Variants in PSG5 observed in about 807,000 individuals in gnomAD.
The protein encoded by PSG5 is pregnancy specific beta-1-glycoprotein 5.
Under a neutral mutation model 37.7 loss-of-function variants are expected in PSG5, and 53 were observed. The observed-to-expected ratio is 1.41, with a 90% CI of 1.13 to 1.77. The LOEUF is 1.77. Ranked by LOEUF, PSG5 falls within the 40% of genes most tolerant of loss-of-function variation. The pLI is 0.00. For missense variants in PSG5, 547 were observed against 405.2 expected, an observed-to-expected ratio of 1.35 and a Z score of -3.00; for synonymous variants, 221 against 155.4, an observed-to-expected ratio of 1.42 and a Z score of -3.14.
chr19:43,174,971 C>T, intron 4 of PSG5: 1 of 1,369,678 alleles, frequency 7.3e-7, no homozygotes, highest in East Asian at 2.5e-5. Flanking sequence ...ACATAGGGCT[C>T]AGGGCTGATA....
At position 43,176,052 on chromosome 19, in the gene PSG5, T is replaced by C. The variant is rs1233336914; in HGVS notation, c.527A>G (p.Tyr176Cys). Residue 176 changes from tyrosine to cysteine, a missense_variant, in exon 3 of 6, where the codon TAC becomes TGC. Transcript: ENST00000342951. The stretch of plus-strand genomic sequence containing the variant: ...ACCATTTAGCCACCAAATGTAGGTG[T>C]AGTTCTCACTCTTAGGTTCACAGGT... ...AFTCEPKSEN[Y>C]TYIWWLNGQS... 2 of 1,611,088 alleles carry C rather than the reference T, an allele frequency of 1.2e-6. No homozygotes were observed. Among genetic ancestry groups the C allele is most frequent in the African/African-American group, 1.3e-5 (1 of 74,560 alleles).
rs549132512 is a variant in PSG5 at position 43,174,858 on chromosome 19, C to A, written c.964+357G>T. The A allele has an allele frequency of 9.2e-6, 11 of 1,192,342 alleles. 1 individual carries two copies. The South Asian group carries it at 2.4e-4, about 26-fold the overall frequency. 73.9% of individuals were successfully genotyped at this position (1,192,342 alleles called of 1,614,324 possible). A position where few individuals can be genotyped will look rare whatever the true frequency, so the allele number is the denominator to read the frequency against. On this transcript the variant is annotated intron_variant, in intron 4 of 5. Coordinates refer to ENST00000342951, the MANE Select transcript of PSG5 (RefSeq NM_002781.4). ...TTCCTTGTAGCTCATGGAATAGGTA[C>A]AAGGAAACAAAGACATGGCAGAAGG...
In PSG5 at chr19:43,175,292, C is replaced by T. The variant is rs1486643249; in HGVS notation, c.887G>A (p.Arg296Lys). Residue 296 changes from arginine (R) to lysine (K), a missense_variant, in exon 4 of 6, where the codon AGA becomes AAA. Coordinates refer to ENST00000342951, the MANE Select transcript of PSG5 (RefSeq NM_002781.4). ...LSIPQITTKH[R>K]GLYTCSVRNS... is the part of the protein sequence containing the mutation. ...ACGAACAGAGCAAGTATAGAGCCCT[C>T]TATGCTTTGTAGTAATTTGGGGGAT... 1 of 1,612,642 alleles carries T rather than the reference C, an allele frequency of 6.2e-7. No individual in the cohort carries two copies. The highest frequency in any genetic ancestry group is 1.3e-5 in the African/African-American group (1 of 74,562).
chr19:43,181,957 G>T (rs1969137489), intron 2 of PSG5, among the ~76,000 whole-genome samples: 1 of 151,616 alleles, frequency 6.6e-6, no homozygotes, highest in Non-Finnish European at 1.5e-5. Flanking sequence ...CATGGGCATT[G>T]GGGACTGCAG....
At chr19:43,170,017 C>T in intron 5 of PSG5, 38 bp downstream of exon 5, 5 of 1,301,912 alleles carry the variant, frequency 3.8e-6, no homozygotes, top group Non-Finnish European at 4.4e-6. Flanking sequence ...TGGCAGTCAG[C>T]CCTGCAGGAA....
At chr19:43,181,902 A>T (rs571376017) in intron 2 of PSG5, among the ~76,000 whole-genome samples, 26 of 151,846 alleles carry the variant, frequency 1.7e-4, no homozygotes, top group Admixed American at 1.4e-3. Context: ...TGAGCTCCAT[A>T]GTAGTTTGAG....
chr19:43,168,812 G>A (rs1428033661), intron 5 of PSG5, among the ~76,000 whole-genome samples: 1 of 151,544 alleles, frequency 6.6e-6, no homozygotes, highest in African/African-American at 2.4e-5. Flanking sequence ...TGTTTCTCAA[G>A]AGGATTACTG....
chr19:43,179,172 G>A lies in PSG5; in HGVS notation c.431-3024C>T, dbSNP rs376729921. Reference sequence around the variant, plus strand: ...GGGAGTTTCCACTTTGCAGAAAACAGAGAGAAGATTGCCCTGTGTGGCACC... The same window carrying A: ...GGGAGTTTCCACTTTGCAGAAAACAAAGAGAAGATTGCCCTGTGTGGCACC... On this transcript the variant is annotated intron_variant, in intron 2 of 5. Coordinates refer to ENST00000342951, the MANE Select transcript of PSG5 (RefSeq NM_002781.4). The A allele has an allele frequency of 8.9e-6, 14 of 1,581,446 alleles. No homozygotes were observed. The Admixed American group carries it at 1.3e-4, about 15-fold the overall frequency.
rs759716118 is a variant in PSG5 at position 43,175,277 on chromosome 19, C to G, written c.902G>C (p.Cys301Ser). The change falls in exon 4 of 6, where the codon TGC (cysteine) becomes TCC (serine). Residue 301 changes from cysteine (C) to serine (S), a missense_variant. Coordinates refer to ENST00000342951, the MANE Select transcript of PSG5 (RefSeq NM_002781.4). ...ITTKHRGLYTCSVRNSATGKE... is the reference protein window; with the variant it reads ...ITTKHRGLYTSSVRNSATGKE... ...GCCAGTAGCTGAGTTACGAACAGAG[C>G]AAGTATAGAGCCCTCTATGCTTTGT... 3.7e-6 allele frequency: 6 copies of G among 1,612,746 alleles called. No homozygotes were observed. The highest frequency in any genetic ancestry group is 5.1e-6 in the Non-Finnish European group (6 of 1,179,222).
chr19:43,180,399 G>A (rs1419718591), intron 2 of PSG5: 1 of 151,560 alleles, frequency 6.6e-6, no homozygotes, highest in Non-Finnish European at 1.5e-5. Context: ...TACTGGTTTA[G>A]CATCCCAAAT....
chr19:43,175,607 G>C, intron 3 of PSG5, 138 bp from the exon 4 acceptor site: 1 of 1,439,724 alleles, frequency 6.9e-7, no homozygotes, highest in Non-Finnish European at 9.3e-7. Context: ...TATTCACTGA[G>C]CCAAAGCCTG....
At position 43,170,089 on chromosome 19, in the gene PSG5, C is replaced by T. The variant is rs200992638; in HGVS notation, c.*6G>A. ...TTCCTGAAATACAGAAATGACTTCACGGCTGCTATATTGGATTAAGGAGAG... is the reference window on the plus strand; with the variant it reads ...TTCCTGAAATACAGAAATGACTTCATGGCTGCTATATTGGATTAAGGAGAG... On this transcript the variant is annotated 3_prime_UTR_variant, in exon 5 of 6. Transcript: ENST00000342951. 1.4e-4 allele frequency: 218 copies of T among 1,578,368 alleles called. 8 individuals carry two copies. Among genetic ancestry groups the T allele is most frequent in the Non-Finnish European group, 1.7e-4 (194 of 1,153,244 alleles).
At chr19:43,177,604 T>G (rs12462447) in intron 2 of PSG5, among the ~76,000 whole-genome samples, 7,004 of 151,504 alleles carry the variant, frequency 0.046, 353 homozygotes, top group Non-Finnish European at 0.063. Context: ...TGAAGGCTTT[T>G]GGATGTGAGA....
intron 2 of PSG5, among the ~76,000 whole-genome samples, chr19:43,181,170 G>A (rs147583842): frequency 1.3e-5 from 2 of 151,656 alleles, no homozygotes; most frequent in African/African-American, 4.9e-5. Context: ...CCATTAGATA[G>A]CACACACCTG....
Position 43,184,699 on chromosome 19 carries a change from A to T in PSG5, c.430+83T>A, listed in dbSNP as rs533099341. The T allele has an allele frequency of 1.8e-5, 28 of 1,596,358 alleles. No homozygotes were observed. In the Admixed American group the frequency reaches 3.3e-4, roughly 19 times the overall value. On this transcript the variant is annotated intron_variant, in intron 2 of 5. Coordinates refer to ENST00000342951, the MANE Select transcript of PSG5 (RefSeq NM_002781.4). Reference sequence around the variant, plus strand: ...ATAATGCAGAGAGGGACACAGGCACAGTGCAGGCCTGACAATCCTGTGTGT... The same window carrying T: ...ATAATGCAGAGAGGGACACAGGCACTGTGCAGGCCTGACAATCCTGTGTGT...
At position 43,184,978 on chromosome 19, in the gene PSG5, G is replaced by C; in HGVS notation, c.234C>G (p.Tyr78Ter). ...GACCGTCTACTACATATGATGTAAT[G>C]TAATGGTAGAGGTCCATCAGTTGTC... ...YKGQLMDLYH[Y>*]ITSYVVDGQI... Residue 78 changes from tyrosine (Y) to a stop codon, truncating the protein, a stop_gained, in exon 2 of 6, where the codon TAC (tyrosine) becomes TAG (stop). Transcript: ENST00000342951. LOFTEE classifies it high-confidence loss of function. 3.1e-6 allele frequency: 5 copies of C among 1,612,492 alleles called. No individual in the cohort carries two copies. The highest frequency in any genetic ancestry group is 1.7e-4 in the Middle Eastern group (1 of 6,056).
chr19:43,177,446 T>C (rs1434880482), intron 2 of PSG5, among the ~76,000 whole-genome samples: 2 of 151,568 alleles, frequency 1.3e-5, no homozygotes, highest in African/African-American at 4.9e-5. Context: ...AGTGAGCATT[T>C]CTTTTCAGCA....
chr19:43,180,968 A>G (rs560306000), intron 2 of PSG5, among the ~76,000 whole-genome samples: 1 of 151,730 alleles, frequency 6.6e-6, no homozygotes, highest in African/African-American at 2.4e-5. Flanking sequence ...GAGGACCCCA[A>G]AACAGGTATG....
At chr19:43,184,691 A>G (rs1283561131) in intron 2 of PSG5, 91 bp downstream of exon 2, 1 of 1,590,424 alleles carries the variant, frequency 6.3e-7, no homozygotes, top group African/African-American at 1.4e-5. Context: ...AGAGAGGGAC[A>G]CAGGCACAGT....
Sources: gnomAD v4.1 joint callset for allele counts (sites outside exome capture counted in the v4.1 genomes callset) on GRCh38, gnomAD v4.1.1 for gene constraint, MANE v1.5 for transcripts, NCBI Gene and HGNC (gene_info 2026-07-23, HGNC 2026-07-21) for gene names.